SORCS1: variants seen among roughly 807,000 people sequenced by gnomAD.
The protein encoded by SORCS1 is VPS10 domain-containing receptor SorCS1.
SORCS1 carries 60 observed loss-of-function variants against 146.1 expected under a neutral mutation model. The observed-to-expected ratio is 0.41, with a 90% CI of 0.33 to 0.51. The LOEUF (loss-of-function observed/expected upper bound fraction) is 0.51. Among genes scored for constraint, SORCS1 ranks in the 20% least tolerant of loss-of-function variants. The pLI, the probability that SORCS1 is intolerant of heterozygous loss-of-function variation, is 0.21. For synonymous variants in SORCS1, 637 were observed against 584.0 expected (o/e 1.09, Z -1.31); for missense variants, 1,352 against 1,487.6 (o/e 0.91, Z 1.50).
chr10:106,770,330 T>A (rs1415458569), intron 4 of SORCS1, among the ~76,000 whole-genome samples: 2 of 152,152 alleles, frequency 1.3e-5, no homozygotes, highest in Non-Finnish European at 2.9e-5. Flanking sequence ...CTTGGACTCA[T>A]AGAGCTCCAA....
At chr10:106,799,021 C>A (rs1251685206) in intron 3 of SORCS1, among the ~76,000 whole-genome samples, 8 of 152,064 alleles carry the variant, frequency 5.3e-5, no homozygotes, top group South Asian at 2.1e-4. Flanking sequence ...GGTACTGGTA[C>A]CAAAACAGAG....
intron 1 of SORCS1, among the ~76,000 whole-genome samples, chr10:106,998,167 A>G (rs1957076483): frequency 6.6e-6 from 1 of 152,236 alleles, no homozygotes; most frequent in Non-Finnish European, 1.5e-5. Flanking sequence ...CGCTGCTTTT[A>G]CATAATTCGT....
At chr10:107,009,867 G>A (rs975872230) in intron 1 of SORCS1, among the ~76,000 whole-genome samples, 3 of 152,060 alleles carry the variant, frequency 2.0e-5, no homozygotes, top group East Asian at 1.9e-4. Flanking sequence ...GAGACAATAC[G>A]TAATATAAGT....
At chr10:106,981,585 C>T (rs1956247299) in intron 1 of SORCS1, among the ~76,000 whole-genome samples, 1 of 152,274 alleles carries the variant, frequency 6.6e-6, no homozygotes, top group South Asian at 2.1e-4. Context: ...AGCACAGAGG[C>T]AGATGATGTA....
At chr10:106,815,486 T>A (rs1947694292) in intron 3 of SORCS1, among the ~76,000 whole-genome samples, 1 of 152,216 alleles carries the variant, frequency 6.6e-6, no homozygotes, top group Non-Finnish European at 1.5e-5. Context: ...ACTTTGTATT[T>A]ATAATAATTG....
chr10:106,818,248 T>C (rs1463272927), intron 3 of SORCS1, among the ~76,000 whole-genome samples: 1 of 152,192 alleles, frequency 6.6e-6, no homozygotes, highest in Non-Finnish European at 1.5e-5. Flanking sequence ...ATTAATTCAA[T>C]ATTAATAATG....
At chr10:106,864,568 C>A (rs1030890850) in intron 2 of SORCS1, among the ~76,000 whole-genome samples, 1 of 152,174 alleles carries the variant, frequency 6.6e-6, no homozygotes, top group African/African-American at 2.4e-5. Flanking sequence ...GGAGGTTAGA[C>A]CCTCATATAC....
At chr10:107,163,534 C>T (rs971187685) in intron 1 of SORCS1, among the ~76,000 whole-genome samples, 2 of 152,220 alleles carry the variant, frequency 1.3e-5, no homozygotes, top group African/African-American at 4.8e-5. Flanking sequence ...AAAACGCCTA[C>T]ATATATGGGT....
At chr10:106,875,106 T>C (rs999629341) in intron 2 of SORCS1, among the ~76,000 whole-genome samples, 3 of 152,142 alleles carry the variant, frequency 2.0e-5, no homozygotes, top group Non-Finnish European at 2.9e-5. Flanking sequence ...TTATCCCACA[T>C]CCCCCTTCCA....
chr10:106,804,108 T>A (rs1214111277), intron 3 of SORCS1, among the ~76,000 whole-genome samples: 1 of 152,084 alleles, frequency 6.6e-6, no homozygotes, highest in Non-Finnish European at 1.5e-5. Context: ...AACAAATTGA[T>A]GGGAGAGAGT....
At chr10:106,752,013 A>G (rs1402516168) in intron 5 of SORCS1, among the ~76,000 whole-genome samples, 1 of 152,228 alleles carries the variant, frequency 6.6e-6, no homozygotes, top group Non-Finnish European at 1.5e-5. Flanking sequence ...GGTAATAATG[A>G]TAATATGTCA....
At chr10:106,814,417 C>T (rs562192717) in intron 3 of SORCS1, among the ~76,000 whole-genome samples, 25 of 152,280 alleles carry the variant, frequency 1.6e-4, no homozygotes, top group African/African-American at 6.0e-4. Flanking sequence ...AAACAGTAAA[C>T]TATGATAGAA....
At chr10:106,795,239 C>A (rs1276298692) in intron 3 of SORCS1, among the ~76,000 whole-genome samples, 1 of 151,906 alleles carries the variant, frequency 6.6e-6, no homozygotes, top group African/African-American at 2.4e-5. Flanking sequence ...CAAGAAGAGT[C>A]GAAGATAATT....
chr10:106,821,252 T>C (rs1948007654), intron 3 of SORCS1, among the ~76,000 whole-genome samples: 1 of 152,212 alleles, frequency 6.6e-6, no homozygotes, highest in Non-Finnish European at 1.5e-5. Context: ...TAGGCTATCA[T>C]TACCTTGATT....
At chr10:107,016,787 T>C (rs1957916120) in intron 1 of SORCS1, among the ~76,000 whole-genome samples, 1 of 152,132 alleles carries the variant, frequency 6.6e-6, no homozygotes, top group African/African-American at 2.4e-5. Context: ...AAGTAATAGA[T>C]GACTCATACC....
At chr10:106,776,191 A>AC (rs1157125784) in intron 4 of SORCS1, among the ~76,000 whole-genome samples, 1 of 152,190 alleles carries the variant, frequency 6.6e-6, no homozygotes, top group Non-Finnish European at 1.5e-5. Flanking sequence ...TGGGTCTTTC[A>AC]CCAAGAGAAA....
chr10:107,021,307 T>C (rs1958119702), intron 1 of SORCS1, among the ~76,000 whole-genome samples: 1 of 151,804 alleles, frequency 6.6e-6, no homozygotes, highest in African/African-American at 2.4e-5. Flanking sequence ...GGTCAGGAGA[T>C]CGAGACCATC....
chr10:106,765,006 G>A (rs1859450041), intron 4 of SORCS1, among the ~76,000 whole-genome samples: 1 of 114,212 alleles, frequency 8.8e-6, no homozygotes, highest in Non-Finnish European at 1.6e-5. Flanking sequence ...CTGGGCAACA[G>A]AGCAAGACAC....
chr10:106,642,740 T>C (rs1372051232), intron 18 of SORCS1, among the ~76,000 whole-genome samples: 1 of 152,200 alleles, frequency 6.6e-6, no homozygotes, highest in Non-Finnish European at 1.5e-5. Flanking sequence ...AGATAAACAG[T>C]GTCAGGCACA....
Sources: gnomAD v4.1 joint callset for allele counts (sites outside exome capture counted in the v4.1 genomes callset) on GRCh38, gnomAD v4.1.1 for gene constraint, MANE v1.5 for transcripts, NCBI Gene and HGNC (gene_info 2026-07-23, HGNC 2026-07-21) for gene names.